The following BCAR3 variants were observed in gnomAD, a reference collection of about 807,000 sequenced individuals.
BCAR3 encodes the protein BCAR3 adaptor protein, NSP family member, also known as breast cancer anti-estrogen resistance protein 3.
A neutral mutation model predicts 80.1 loss-of-function variants in BCAR3; 37 were observed. That is an observed-to-expected ratio of 0.46 (90% CI 0.36 to 0.61). The LOEUF (loss-of-function observed/expected upper bound fraction) is 0.61. BCAR3 is among the 20% of genes least tolerant of loss of function. The probability of loss-of-function intolerance (pLI) is 0.00; values close to 1 mark genes in which losing one functional copy is unlikely to be tolerated. For missense variants in BCAR3, 978 were observed against 1,068.2 expected, an observed-to-expected ratio of 0.92 and a Z score of 1.18; for synonymous variants, 389 against 418.9, an observed-to-expected ratio of 0.93 and a Z score of 0.87.
At chr1:93,821,499 G>A (rs1385478590) in intron 2 of BCAR3, among the ~76,000 whole-genome samples, 6 of 152,134 alleles carry the variant, frequency 3.9e-5, no homozygotes, top group Admixed American at 2.0e-4. Context: ...ACTAAATACC[G>A]TAGCCCCAAA....
intron 2 of BCAR3, among the ~76,000 whole-genome samples, chr1:93,826,989 T>C (rs1484516168): frequency 6.6e-6 from 1 of 151,922 alleles, no homozygotes; most frequent in Non-Finnish European, 1.5e-5. Flanking sequence ...GAAGAGATTG[T>C]GGAATACCAG....
At chr1:93,625,958 G>A (rs1387890559) in intron 3 of BCAR3, among the ~76,000 whole-genome samples, 1 of 152,216 alleles carries the variant, frequency 6.6e-6, no homozygotes, top group Non-Finnish European at 1.5e-5. Flanking sequence ...TACTCAGGCA[G>A]AGCACCTTGC....
At chr1:93,699,494 T>C (rs1649559721) in intron 3 of BCAR3, among the ~76,000 whole-genome samples, 1 of 152,128 alleles carries the variant, frequency 6.6e-6, no homozygotes, top group Non-Finnish European at 1.5e-5. Context: ...ATTAAAGCTG[T>C]ACCTTGTTGC....
intron 2 of BCAR3, chr1:93,845,466 A>T (rs1046884814): frequency 3.2e-3 from 7 of 2,156 alleles, no homozygotes; most frequent in South Asian, 0.013. Context: ...ACAATTTTAT[A>T]TATATATATA....
intron 2 of BCAR3, among the ~76,000 whole-genome samples, chr1:93,755,987 C>A (rs1651735701): frequency 6.6e-6 from 1 of 152,128 alleles, no homozygotes; most frequent in Non-Finnish European, 1.5e-5. Context: ...CTGAAGTTCA[C>A]CTGCTCTTGA....
intron 3 of BCAR3, among the ~76,000 whole-genome samples, chr1:93,702,463 C>T (rs527958261): frequency 6.6e-6 from 1 of 152,198 alleles, no homozygotes; most frequent in Admixed American, 6.5e-5. Context: ...GCAAGTTGAG[C>T]CTGGTTCCCA....
intron 2 of BCAR3, among the ~76,000 whole-genome samples, chr1:93,728,855 C>T (rs145914982): frequency 1.4e-4 from 22 of 152,084 alleles, no homozygotes; most frequent in South Asian, 2.1e-4. Flanking sequence ...GATGGGGGCG[C>T]GGCAGGCCAG....
At chr1:93,654,247 G>A (rs916801729) in intron 2 of BCAR3, among the ~76,000 whole-genome samples, 2 of 152,206 alleles carry the variant, frequency 1.3e-5, no homozygotes, top group Admixed American at 6.5e-5. Context: ...GTCAGTTGAT[G>A]TTACGAGACA....
intron 2 of BCAR3, among the ~76,000 whole-genome samples, chr1:93,780,153 CT>C (rs901511782): frequency 1.1e-3 from 167 of 152,286 alleles, no homozygotes; most frequent in African/African-American, 3.9e-3. Flanking sequence ...CCTTTGCCAC[CT>C]TTTTCATGGA....
intron 2 of BCAR3, among the ~76,000 whole-genome samples, chr1:93,835,952 G>A (rs927058340): frequency 2.6e-5 from 4 of 152,092 alleles, no homozygotes; most frequent in Admixed American, 6.5e-5. Context: ...GTAACGGACC[G>A]GCCTTTATTA....
At chr1:93,623,963 T>C (rs1338246097) in intron 3 of BCAR3, among the ~76,000 whole-genome samples, 1 of 152,236 alleles carries the variant, frequency 6.6e-6, no homozygotes, top group African/African-American at 2.4e-5. Context: ...TAATGGTGTT[T>C]TGCAGTCTAT....
chr1:93,606,853 C>T (rs989386434), intron 3 of BCAR3, among the ~76,000 whole-genome samples: 1 of 152,126 alleles, frequency 6.6e-6, no homozygotes, highest in East Asian at 1.9e-4. Flanking sequence ...AATGCAGTGT[C>T]CTGGAGGTTG....
At chr1:93,698,325 T>C (rs78175850) in intron 3 of BCAR3, among the ~76,000 whole-genome samples, 2,363 of 152,316 alleles carry the variant, frequency 0.016, 57 homozygotes, top group African/African-American at 0.055. Flanking sequence ...CCATTTTGGA[T>C]TGTCACAACC....
At chr1:93,834,364 A>G (rs751180332) in intron 2 of BCAR3, among the ~76,000 whole-genome samples, 1 of 151,928 alleles carries the variant, frequency 6.6e-6, no homozygotes, top group Non-Finnish European at 1.5e-5. Flanking sequence ...ACCTCCCTCC[A>G]CTACCCATTA....
chr1:93,597,493 G>A (rs1166639587), intron 3 of BCAR3, among the ~76,000 whole-genome samples: 4 of 152,190 alleles, frequency 2.6e-5, no homozygotes, highest in Non-Finnish European at 4.4e-5. Context: ...ACTGTGCCAC[G>A]CACCTGCTGT....
At position 93,589,279 on chromosome 1, in the gene BCAR3, G is replaced by A. The variant is rs555091828; in HGVS notation, c.627C>T (p.Ser209=). 1.1e-5 allele frequency: 18 copies of A among 1,614,198 alleles called. No homozygotes were observed. The highest frequency in any genetic ancestry group is 7.7e-5 in the South Asian group (7 of 91,082). The change falls in exon 5 of 12, where the codon AGC becomes AGT. Residue 209 remains serine, a synonymous_variant. Coordinates refer to ENST00000260502, the MANE Select transcript of BCAR3 (RefSeq NM_003567.4). ...GGTACTGCACGCGGCTGTAGGCCTC[G>A]CTGAGTCGCAGAACTGTCCGGTTGA... ...FKINRTVLRL[S]EAYSRVQYQF...
chr1:93,617,869 G>A (rs1675178776), intron 3 of BCAR3, among the ~76,000 whole-genome samples: 1 of 152,200 alleles, frequency 6.6e-6, no homozygotes, highest in Non-Finnish European at 1.5e-5. Context: ...AGTGTGGCAG[G>A]TGCCTGGGAA....
rs1056487381 is a variant in BCAR3, at chr1:93,613,853, T to C, written c.358-21460A>G. 1.0e-5 allele frequency: 16 copies of C among 1,550,292 alleles called. No homozygotes were observed. The African/African-American group carries it at 2.2e-4, about 21-fold the overall frequency. ...ATTTCCAAACCAAACCTACCTTGAC[T>C]CCAATGAAAGACTTGCGGTGATAGA... On this transcript the variant is annotated intron_variant, in intron 3 of 11. Transcript: ENST00000260502.
At chr1:93,650,410 T>G (rs1259585313) in intron 2 of BCAR3, among the ~76,000 whole-genome samples, 1 of 152,042 alleles carries the variant, frequency 6.6e-6, no homozygotes, top group African/African-American at 2.4e-5. Flanking sequence ...AAGGGCTAGT[T>G]CATGTAACAG....
Sources: gnomAD v4.1 joint callset for allele counts (sites outside exome capture counted in the v4.1 genomes callset) on GRCh38, gnomAD v4.1.1 for gene constraint, MANE v1.5 for transcripts, NCBI Gene and HGNC (gene_info 2026-07-23, HGNC 2026-07-21) for gene names.